Variants in ABI3BP observed in about 807,000 individuals in gnomAD.
ABI3BP encodes the protein target of Nesh-SH3.
Under a neutral mutation model 268.6 loss-of-function variants are expected in ABI3BP, and 216 were observed. That is an observed-to-expected ratio of 0.80 (90% CI 0.72 to 0.90). The LOEUF is 0.90. Ranked by LOEUF, ABI3BP falls within the 40% of genes least tolerant of loss-of-function variation. The pLI is 0.00. For synonymous variants in ABI3BP, 730 were observed against 730.0 expected, an observed-to-expected ratio of 1.00 and a Z score of 0.00; for missense variants, 2,090 against 2,182.4, an observed-to-expected ratio of 0.96 and a Z score of 0.84.
chr3:100,812,555 A>T, intron 45 of ABI3BP, 32 bp from the exon 46 acceptor site: 1 of 1,287,646 alleles, frequency 7.8e-7, no homozygotes, highest in Non-Finnish European at 9.9e-7. Context: ...TACAATTGAT[A>T]AAGGATAGGT....
intron 14 of ABI3BP, among the ~76,000 whole-genome samples, chr3:100,856,261 G>A (rs12106741): frequency 0.049 from 7,495 of 152,114 alleles, 213 homozygotes; most frequent in African/African-American, 0.054. Context: ...ACTACTCCTT[G>A]GGCATACTGA....
At chr3:100,752,317 T>C (rs1045130510) in intron 66 of ABI3BP, among the ~76,000 whole-genome samples, 2 of 152,204 alleles carry the variant, frequency 1.3e-5, no homozygotes, top group African/African-American at 4.8e-5. Context: ...AAAATCTACT[T>C]TTTAATGTTA....
intron 36 of ABI3BP, among the ~76,000 whole-genome samples, chr3:100,823,894 ACATATAAGTAAACATG>A (rs2098302208): frequency 1.3e-5 from 2 of 152,238 alleles, no homozygotes; most frequent in Non-Finnish European, 2.9e-5. Flanking sequence ...AGCGCTTATT[ACATATAAGTAAACATG>A]GATACAAGAG....
At chr3:100,939,228 T>C (rs139209782) in intron 1 of ABI3BP, among the ~76,000 whole-genome samples, 66 of 152,254 alleles carry the variant, frequency 4.3e-4, no homozygotes, top group African/African-American at 1.4e-3. Context: ...AGTGAACATG[T>C]AGCTGCTCTA....
At chr3:100,951,906 A>G (rs190413851) in intron 1 of ABI3BP, among the ~76,000 whole-genome samples, 2 of 151,926 alleles carry the variant, frequency 1.3e-5, no homozygotes, top group African/African-American at 4.8e-5. Context: ...AGGACAAACC[A>G]TATGTAGGTT....
intron 57 of ABI3BP, 35 bp from the exon 58 acceptor site, chr3:100,780,244 T>G: frequency 6.3e-7 from 1 of 1,594,046 alleles, no homozygotes; most frequent in Non-Finnish European, 8.6e-7. Context: ...AATAAACATA[T>G]AGCAAAAATG....
chr3:100,895,026 T>C (rs1447352881), intron 4 of ABI3BP, among the ~76,000 whole-genome samples: 1 of 147,878 alleles, frequency 6.8e-6, no homozygotes, highest in East Asian at 2.0e-4. Flanking sequence ...TTCTAAACTA[T>C]TCATAAAGCT....
chr3:100,750,344 ATCTTT>A lies in ABI3BP; in HGVS notation c.*146_*150del, dbSNP rs1176519115. The A allele has an allele frequency of 3.7e-6, 2 of 537,894 alleles. No homozygotes were observed. Among genetic ancestry groups the A allele is most frequent in the Non-Finnish European group, 6.3e-6 (2 of 316,308 alleles). 33.3% of individuals were successfully genotyped at this position (537,894 alleles called of 1,614,324 possible). On this transcript the variant is annotated 3_prime_UTR_variant, in exon 68 of 68. Transcript: ENST00000471714. ...TAAAACCTGATAAATACTCTCAGCA[ATCTTT>A]TCTAATAATAAACATCTAGTATTGC...
In ABI3BP at chr3:100,920,103, A is replaced by G. The variant is rs1206253941; in HGVS notation, c.259+6199T>C. On this transcript the variant is annotated intron_variant, in intron 2 of 67. Transcript: ENST00000471714. Reference sequence around the variant, plus strand: ...ACATACTTGGGTATGATAGATGGGCATGGCTGCCTTTCAGTGACTAACAGC... The same window carrying G: ...ACATACTTGGGTATGATAGATGGGCGTGGCTGCCTTTCAGTGACTAACAGC... Among the ~76,000 whole-genome samples, 3 of 152,320 alleles carry G rather than the reference A, an allele frequency of 2.0e-5. No homozygotes were observed. In the East Asian group the frequency reaches 5.8e-4, roughly 29 times the overall value.
intron 4 of ABI3BP, among the ~76,000 whole-genome samples, chr3:100,897,257 G>C (rs2048148881): frequency 6.6e-6 from 1 of 152,082 alleles, no homozygotes; most frequent in South Asian, 2.1e-4. Flanking sequence ...TGGGAATGTA[G>C]ATGGAAAAAT....
In ABI3BP at chr3:100,848,836, C is replaced by T. The variant is rs1287946432; in HGVS notation, c.1541G>A (p.Arg514Gln). ...QTTSIPSTPK[R>Q]RPRPKPPRTK... is the part of the protein sequence containing the mutation. ...TCTTGGCGGTTTGGGCCGGGGGCGT[C>T]GTTTAGGTGTAGAAGGGATAGATGT... Residue 514 changes from arginine to glutamine, a missense_variant, in exon 18 of 68, where the codon CGA becomes CAA. Coordinates refer to ENST00000471714, the MANE Select transcript of ABI3BP (RefSeq NM_001375547.2). 7.4e-6 allele frequency: 12 copies of T among 1,613,098 alleles called. No homozygotes were observed. The highest frequency in any genetic ancestry group is 1.7e-4 in the Middle Eastern group (1 of 6,050).
chr3:100,879,520 T>G (rs2099203916), intron 6 of ABI3BP, among the ~76,000 whole-genome samples: 1 of 152,198 alleles, frequency 6.6e-6, no homozygotes, highest in Non-Finnish European at 1.5e-5. Context: ...TTATACCAGT[T>G]TAATTTTCCT....
At chr3:100,875,465 C>A (rs778014039) in intron 8 of ABI3BP, 43 bp downstream of exon 8, 8 of 1,440,696 alleles carry the variant, frequency 5.6e-6, no homozygotes, top group South Asian at 1.1e-5. Flanking sequence ...CAAAAGATAG[C>A]CCGATTTGCT....
chr3:100,827,121 C>T (rs2098401561), intron 34 of ABI3BP, among the ~76,000 whole-genome samples: 1 of 152,100 alleles, frequency 6.6e-6, no homozygotes, highest in South Asian at 2.1e-4. Flanking sequence ...TAAGACCCTA[C>T]AATAAGTCTA....
chr3:100,821,893 G>A (rs1167417123), intron 38 of ABI3BP, among the ~76,000 whole-genome samples: 4 of 152,110 alleles, frequency 2.6e-5, no homozygotes, highest in African/African-American at 4.8e-5. Flanking sequence ...GAGCCACTGC[G>A]CCCAGCAAAG....
chr3:100,920,864 T>C (rs2060011011), intron 2 of ABI3BP, among the ~76,000 whole-genome samples: 1 of 152,238 alleles, frequency 6.6e-6, no homozygotes, highest in Non-Finnish European at 1.5e-5. Flanking sequence ...GTGTTGAATT[T>C]GAACCCAGGT....
intron 7 of ABI3BP, among the ~76,000 whole-genome samples, chr3:100,876,169 T>G (rs926389307): frequency 2.6e-5 from 4 of 152,206 alleles, no homozygotes; most frequent in African/African-American, 9.6e-5. Flanking sequence ...TATCTTTACT[T>G]TCCTTAAAGT....
intron 42 of ABI3BP, 86 bp downstream of exon 42, chr3:100,817,350 G>T: frequency 1.0e-6 from 1 of 961,318 alleles, no homozygotes; most frequent in Non-Finnish European, 1.5e-6. Flanking sequence ...GTCCTACAAA[G>T]CTGATGACAA....
At chr3:100,863,544 G>A (rs1369511489) in intron 12 of ABI3BP, 1 of 160,766 alleles carries the variant, frequency 6.2e-6, no homozygotes, top group African/African-American at 2.4e-5. Flanking sequence ...TTGAACTACT[G>A]ACCTCAGGCA....
Sources: allele counts gnomAD v4.1 joint callset (sites outside exome capture counted in the v4.1 genomes callset), GRCh38; gene constraint gnomAD v4.1.1; transcripts MANE v1.5; gene names NCBI Gene and HGNC (gene_info 2026-07-23, HGNC 2026-07-21).